SLC25A26: variants seen among roughly 807,000 people sequenced by gnomAD.
SLC25A26 encodes solute carrier family 25 member 26, also known as mitochondrial S-adenosylmethionine carrier protein.
In SLC25A26, 36 loss-of-function variants were observed where a neutral mutation model predicts 37.8. The observed-to-expected ratio is 0.95, with a 90% CI of 0.73 to 1.26. SLC25A26 has a LOEUF of 1.26. Among genes scored for constraint, SLC25A26 ranks in the 50% most tolerant of loss-of-function variants. The pLI is 0.00. For synonymous variants in SLC25A26, 129 were observed against 122.5 expected, an observed-to-expected ratio of 1.05 and a Z score of -0.35; for missense variants, 390 against 331.1, an observed-to-expected ratio of 1.18 and a Z score of -1.38.
chr3:66,229,098 G>A (rs2071891210), intron 1 of SLC25A26, among the ~76,000 whole-genome samples: 1 of 152,170 alleles, frequency 6.6e-6, no homozygotes, highest in Admixed American at 6.5e-5. Context: ...TTGCATGTCA[G>A]TATTGGTACC....
At chr3:66,145,110 C>T (rs1043497149) in intron 1 of SLC25A26, among the ~76,000 whole-genome samples, 1 of 151,972 alleles carries the variant, frequency 6.6e-6, no homozygotes, top group African/African-American at 2.4e-5. Flanking sequence ...GGGCTGGGGA[C>T]TGTTTATTAA....
chr3:66,317,597 T>C (rs1227281894), intron 5 of SLC25A26, among the ~76,000 whole-genome samples: 1 of 152,148 alleles, frequency 6.6e-6, no homozygotes, highest in Non-Finnish European at 1.5e-5. Flanking sequence ...AGGAGCAGGA[T>C]CAGGGACCCA....
At chr3:66,212,884 C>A (rs1001851571) in intron 1 of SLC25A26, among the ~76,000 whole-genome samples, 9 of 152,140 alleles carry the variant, frequency 5.9e-5, no homozygotes, top group Admixed American at 5.9e-4. Flanking sequence ...ATTTTGTGTA[C>A]CCATTCATTT....
intron 1 of SLC25A26, among the ~76,000 whole-genome samples, chr3:66,143,559 T>C (rs536113773): frequency 6.6e-6 from 1 of 152,260 alleles, no homozygotes; most frequent in East Asian, 1.9e-4. Flanking sequence ...TAATTTGTGA[T>C]GCAAAATGCA....
chr3:66,323,856 C>T (rs2075762988), intron 5 of SLC25A26: 1 of 152,136 alleles, frequency 6.6e-6, no homozygotes, highest in African/African-American at 2.4e-5. Context: ...TTTTGACATA[C>T]TGGGTGTGGT....
chr3:66,157,753 C>T (rs1352804810), intron 1 of SLC25A26, among the ~76,000 whole-genome samples: 1 of 152,114 alleles, frequency 6.6e-6, no homozygotes, highest in African/African-American at 2.4e-5. Flanking sequence ...TACTACATGC[C>T]ACATGCATAT....
intron 5 of SLC25A26, among the ~76,000 whole-genome samples, chr3:66,264,223 G>C (rs541765981): frequency 1.3e-5 from 2 of 150,960 alleles, no homozygotes; most frequent in East Asian, 4.1e-4. Context: ...AGTGAGCCAA[G>C]ATCGTGCCAC....
intron 6 of SLC25A26, among the ~76,000 whole-genome samples, chr3:66,350,884 G>A (rs1398625870): frequency 6.6e-6 from 1 of 152,042 alleles, no homozygotes; most frequent in Non-Finnish European, 1.5e-5. Context: ...TCTCAATTCA[G>A]TGTTTGATCT....
At chr3:66,304,492 C>T (rs1273516109) in intron 5 of SLC25A26, 1 of 455,254 alleles carries the variant, frequency 2.2e-6, no homozygotes, top group Non-Finnish European at 4.4e-6. Context: ...GGCTTGTGAG[C>T]TTCTGTGAGT....
intron 1 of SLC25A26, among the ~76,000 whole-genome samples, chr3:66,177,951 T>G (rs958246250): frequency 6.6e-6 from 1 of 152,160 alleles, no homozygotes; most frequent in Non-Finnish European, 1.5e-5. Flanking sequence ...ATGGCGTAAA[T>G]AGCATTGATA....
At chr3:66,292,484 C>T (rs1327747989) in intron 5 of SLC25A26, among the ~76,000 whole-genome samples, 1 of 152,106 alleles carries the variant, frequency 6.6e-6, no homozygotes, top group Non-Finnish European at 1.5e-5. Flanking sequence ...CTCCCATAAG[C>T]CAGGCCTGGT....
chr3:66,288,500 C>T (rs530400505), intron 5 of SLC25A26, among the ~76,000 whole-genome samples: 4 of 152,166 alleles, frequency 2.6e-5, no homozygotes, highest in Admixed American at 2.6e-4. Flanking sequence ...CGACAGGCCC[C>T]AGTGTGTGAT....
intron 5 of SLC25A26, among the ~76,000 whole-genome samples, chr3:66,321,524 T>C (rs11928595): frequency 0.043 from 6,493 of 152,144 alleles, 450 homozygotes; most frequent in African/African-American, 0.15. Flanking sequence ...TTATAAACCA[T>C]CATGCTTAGC....
chr3:66,271,961 A>G (rs749836974), intron 5 of SLC25A26, among the ~76,000 whole-genome samples: 2 of 152,108 alleles, frequency 1.3e-5, no homozygotes, highest in East Asian at 1.9e-4. Flanking sequence ...GAAATTGAAG[A>G]CATGAATTTA....
intron 3 of SLC25A26, among the ~76,000 whole-genome samples, chr3:66,259,032 G>C (rs1016364133): frequency 1.3e-5 from 2 of 152,080 alleles, no homozygotes; most frequent in Non-Finnish European, 2.9e-5. Flanking sequence ...ACCCCTGGAC[G>C]GGAGTGTTTG....
intron 5 of SLC25A26, among the ~76,000 whole-genome samples, chr3:66,338,429 T>C (rs1482376302): frequency 6.6e-6 from 1 of 151,978 alleles, no homozygotes; most frequent in African/African-American, 2.4e-5. Context: ...TTGCTCCATA[T>C]CCTTTCAGTT....
At chr3:66,294,519 A>C (rs1247411264) in intron 5 of SLC25A26, among the ~76,000 whole-genome samples, 1 of 152,154 alleles carries the variant, frequency 6.6e-6, no homozygotes, top group Non-Finnish European at 1.5e-5. Flanking sequence ...GTGTCTATTG[A>C]GATAATCATG....
At chr3:66,240,901 A>G (rs948607653) in intron 2 of SLC25A26, among the ~76,000 whole-genome samples, 28 of 151,278 alleles carry the variant, frequency 1.9e-4, no homozygotes, top group Non-Finnish European at 3.7e-4. Context: ...ACCCGCCACC[A>G]CACCCGGCTA....
At chr3:66,153,519 G>T (rs2070235787) in intron 1 of SLC25A26, among the ~76,000 whole-genome samples, 1 of 152,206 alleles carries the variant, frequency 6.6e-6, no homozygotes, top group African/African-American at 2.4e-5. Context: ...TGTTTAATCT[G>T]ATAAAGTCGC....
Sources: allele counts gnomAD v4.1 joint callset (sites outside exome capture counted in the v4.1 genomes callset), GRCh38; gene constraint gnomAD v4.1.1; transcripts MANE v1.5; gene names NCBI Gene and HGNC (gene_info 2026-07-23, HGNC 2026-07-21).